The following SMCHD1 variants were observed in gnomAD, a reference collection of about 807,000 sequenced individuals.
The protein encoded by SMCHD1 is structural maintenance of chromosomes flexible hinge domain containing 1.
A neutral mutation model predicts 254.7 loss-of-function variants in SMCHD1; 78 were observed. The observed-to-expected ratio is 0.31, with a 90% confidence interval of 0.26 to 0.37. The LOEUF (loss-of-function observed/expected upper bound fraction) is 0.37, where lower values mean the gene tolerates loss of function less well. Among genes scored for constraint, SMCHD1 ranks in the 10% least tolerant of loss-of-function variants. The probability of loss-of-function intolerance (pLI) is 1.00; values close to 1 mark genes in which losing one functional copy is unlikely to be tolerated. For synonymous variants in SMCHD1, 766 were observed against 794.9 expected, an observed-to-expected ratio of 0.96 and a Z score of 0.61; for missense variants, 1,840 against 2,408.1, an observed-to-expected ratio of 0.76 and a Z score of 4.94.
chr18:2,770,051 A>T lies in SMCHD1; in HGVS notation c.4909A>T (p.Ile1637Phe). Residue 1637 changes from isoleucine (I) to phenylalanine (F), a missense_variant, in exon 39 of 48, where the codon ATT becomes TTT. Around this residue, in one of 9 missense-constraint regions of SMCHD1, gnomAD observed 881 missense variants for 1,009.5 expected, o/e 0.87. Coordinates refer to ENST00000320876, the MANE Select transcript of SMCHD1 (RefSeq NM_015295.3). Reference sequence around the variant, plus strand: ...AGAAAAGGACCAATTATCTCAGTCTATTGTTATGTATAAAAGTTTATTTGA... The same window carrying T: ...AGAAAAGGACCAATTATCTCAGTCTTTTGTTATGTATAAAAGTTTATTTGA... ...TKEKDQLSQS[I>F]VMYKSLFEAS... 3 of 1,605,174 alleles carry T rather than the reference A, an allele frequency of 1.9e-6. No individual in the cohort carries two copies. Among genetic ancestry groups the T allele is most frequent in the Non-Finnish European group, 2.5e-6 (3 of 1,177,700 alleles).
At chr18:2,669,617 GT>G (rs1211406595) in intron 3 of SMCHD1, among the ~76,000 whole-genome samples, 1 of 152,142 alleles carries the variant, frequency 6.6e-6, no homozygotes, top group Non-Finnish European at 1.5e-5. Context: ...CTATCTCATG[GT>G]TCTAAATAAC....
At chr18:2,660,499 G>A (rs1223461164) in intron 1 of SMCHD1, among the ~76,000 whole-genome samples, 1 of 136,224 alleles carries the variant, frequency 7.3e-6, no homozygotes, top group African/African-American at 2.8e-5. Context: ...TTTGATGGGA[G>A]TTTCACTCTT....
chr18:2,745,215 C>T (rs1202247698), intron 29 of SMCHD1, among the ~76,000 whole-genome samples: 1 of 63,394 alleles, frequency 1.6e-5, no homozygotes, highest in Non-Finnish European at 3.6e-5. Context: ...GACTGGGTTT[C>T]ACCATGCTGA....
chr18:2,763,776 C>T lies in SMCHD1; in HGVS notation c.4706C>T (p.Ser1569Leu), dbSNP rs756589979. 27 of 1,604,506 alleles carry T rather than the reference C, an allele frequency of 1.7e-5. No individual in the cohort carries two copies. The highest frequency in any genetic ancestry group is 5.6e-5 in the South Asian group (5 of 88,972). The stretch of plus-strand genomic sequence containing the variant: ...CTTGAATTCCCCTTCGTGAATGGTT[C>T]GGCTGAAATCATGGTAAATTTTTTA... Reference protein sequence around the residue: ...RTLEFPFVNGSAEIMSLVLAE... With the variant: ...RTLEFPFVNGLAEIMSLVLAE... The change falls in exon 37 of 48, where the codon TCG becomes TTG. Residue 1569 changes from serine (S) to leucine (L), a missense_variant. By Grantham distance (145) the Ser-to-Leu change is moderately radical. Transcript: ENST00000320876.
chr18:2,692,543 A>G (rs1280323502), intron 7 of SMCHD1, among the ~76,000 whole-genome samples: 4 of 152,084 alleles, frequency 2.6e-5, no homozygotes, highest in Non-Finnish European at 2.9e-5. Flanking sequence ...TTTGTCTTTT[A>G]TATTATTTTC....
chr18:2,697,745 T>G, intron 9 of SMCHD1, 86 bp from the exon 10 acceptor site: 1 of 835,962 alleles, frequency 1.2e-6, no homozygotes, highest in Non-Finnish European at 1.9e-6. Flanking sequence ...AACATAATTT[T>G]TACTTATTCT....
intron 12 of SMCHD1, 64 bp from the exon 13 acceptor site, chr18:2,703,628 A>G: frequency 1.5e-6 from 2 of 1,330,840 alleles, no homozygotes; most frequent in Non-Finnish European, 2.1e-6. Flanking sequence ...ATGAATGACA[A>G]ATGTTTATGG....
chr18:2,727,717 G>A (rs746476090), intron 22 of SMCHD1, among the ~76,000 whole-genome samples: 15 of 151,886 alleles, frequency 9.9e-5, no homozygotes, highest in South Asian at 2.1e-4. Flanking sequence ...TAATAGTAAC[G>A]TCTTCATTAA....
chr18:2,780,335 T>C (rs1479566514), intron 44 of SMCHD1, among the ~76,000 whole-genome samples: 2 of 151,014 alleles, frequency 1.3e-5, no homozygotes, highest in East Asian at 4.0e-4. Flanking sequence ...TATAGCTAAT[T>C]GGAAAATGGT....
chr18:2,709,123 T>C (rs2111679), intron 17 of SMCHD1, among the ~76,000 whole-genome samples: 47,561 of 148,998 alleles, frequency 0.32, 9,622 homozygotes, highest in Non-Finnish European at 0.45. Context: ...AATGGAATTA[T>C]ATTTGTCCTT....
chr18:2,682,169 T>G (rs575433718), intron 5 of SMCHD1, among the ~76,000 whole-genome samples: 52 of 151,762 alleles, frequency 3.4e-4, no homozygotes, highest in Middle Eastern at 3.4e-3. Flanking sequence ...AGTTTGGTGT[T>G]TTTTTTTTCC....
chr18:2,778,161 T>C lies in SMCHD1; in HGVS notation c.5477-8T>C. The C allele has an allele frequency of 1.3e-6, 2 of 1,587,064 alleles. No homozygotes were observed. Among genetic ancestry groups the C allele is most frequent in the Non-Finnish European group, 1.7e-6 (2 of 1,164,142 alleles). On this transcript the variant is annotated splice_region_variant and splice_polypyrimidine_tract_variant and intron_variant, in intron 43 of 47. Transcript: ENST00000320876. ...TAATTTTCAAAATTCATTTATTGAC[T>C]TTTTTAGTATTTGGTATGCTGTTAG...
intron 27 of SMCHD1, among the ~76,000 whole-genome samples, chr18:2,739,736 A>G (rs1431146670): frequency 6.6e-6 from 1 of 152,016 alleles, no homozygotes; most frequent in South Asian, 2.1e-4. Flanking sequence ...CATTTTGTCG[A>G]AAAAAAATCT....
chr18:2,690,630 C>T (rs2074153577), intron 7 of SMCHD1, among the ~76,000 whole-genome samples: 1 of 151,526 alleles, frequency 6.6e-6, no homozygotes, highest in Non-Finnish European at 1.5e-5. Flanking sequence ...TGCCACCACA[C>T]CTGGCTAATT....
chr18:2,658,415 C>T (rs373913479), intron 1 of SMCHD1, among the ~76,000 whole-genome samples: 1 of 152,188 alleles, frequency 6.6e-6, no homozygotes, highest in African/African-American at 2.4e-5. Context: ...TCTGTTCATT[C>T]TGTTATACTA....
At chr18:2,671,962 G>A (rs536108722) in intron 3 of SMCHD1, among the ~76,000 whole-genome samples, 1 of 152,210 alleles carries the variant, frequency 6.6e-6, no homozygotes, top group African/African-American at 2.4e-5. Context: ...CCTGTGTGAT[G>A]AAGCAAATTT....
chr18:2,750,615 CAG>C lies in SMCHD1; in HGVS notation c.4165+109_4165+110del, dbSNP rs534997178. The C allele has an allele frequency of 7.1e-3, 5,941 of 835,034 alleles. 112 individuals are homozygous for C. The highest frequency in any genetic ancestry group is 4.8e-3 in the Non-Finnish European group (2,762 of 570,886). 51.7% of individuals were successfully genotyped at this position (835,034 alleles called of 1,614,324 possible). ...AGTGTGCTCAGTCTAATGTAGGAGACAGGGAAGCAAATGATTTCAATATCATG... is the reference window on the plus strand; with the variant it reads ...AGTGTGCTCAGTCTAATGTAGGAGACGGAAGCAAATGATTTCAATATCATG... On this transcript the variant is annotated intron_variant, in intron 32 of 47. Transcript: ENST00000320876.
intron 3 of SMCHD1, among the ~76,000 whole-genome samples, chr18:2,672,625 G>T (rs540517064): frequency 2.6e-5 from 4 of 152,344 alleles, no homozygotes; most frequent in Non-Finnish European, 5.9e-5. Context: ...TTACTAAAGG[G>T]ATAAAAGCAG....
In SMCHD1 at chr18:2,796,415, C is replaced by G. The variant is rs1345578577; in HGVS notation, c.5887C>G (p.Pro1963Ala). Residue 1963 changes from proline (P) to alanine (A), a missense_variant, in exon 47 of 48, where the codon CCC becomes GCC. Transcript: ENST00000320876. ...ATTTTCCATCTTCACAGGTATGACT[C>G]CCATACGTAAGTGTAATGACTCATT... is the stretch of plus-strand genomic sequence containing the variant. ...KLIEEKLGMTPIRKCNDSLRH... is the reference protein window; with the variant it reads ...KLIEEKLGMTAIRKCNDSLRH... 49 of 1,584,104 alleles carry G rather than the reference C, an allele frequency of 3.1e-5. No homozygotes were observed. Among genetic ancestry groups the G allele is most frequent in the Non-Finnish European group, 4.0e-5 (47 of 1,163,114 alleles).
Sources: allele counts gnomAD v4.1 joint callset (sites outside exome capture counted in the v4.1 genomes callset), GRCh38; gene constraint gnomAD v4.1.1; regional missense constraint gnomAD v4.1.1; transcripts MANE v1.5; gene names NCBI Gene and HGNC (gene_info 2026-07-23, HGNC 2026-07-21).